ATP5F1C: variants seen among roughly 807,000 people sequenced by gnomAD.
ATP5F1C encodes ATP synthase F(1) complex subunit gamma, mitochondrial.
ATP5F1C carries 22 observed loss-of-function variants against 37.4 expected under a neutral mutation model. The observed-to-expected ratio is 0.59, with a 90% CI of 0.42 to 0.84. The LOEUF is 0.84. ATP5F1C is among the 40% of genes least tolerant of loss of function. The probability of loss-of-function intolerance (pLI) is 0.00; values close to 1 mark genes in which losing one functional copy is unlikely to be tolerated. For synonymous variants in ATP5F1C, 121 were observed against 128.0 expected, an observed-to-expected ratio of 0.95 and a Z score of 0.37; for missense variants, 286 against 362.4, an observed-to-expected ratio of 0.79 and a Z score of 1.71.
intron 1 of ATP5F1C, among the ~76,000 whole-genome samples, chr10:7,793,361 C>G (rs529753927): frequency 1.3e-5 from 2 of 152,358 alleles, no homozygotes; most frequent in African/African-American, 2.4e-5. Flanking sequence ...ATCCGCCTGC[C>G]TCGGCCTCCC....
At chr10:7,790,067 C>T (rs1836138290) in intron 1 of ATP5F1C, among the ~76,000 whole-genome samples, 1 of 152,192 alleles carries the variant, frequency 6.6e-6, no homozygotes, top group South Asian at 2.1e-4. Flanking sequence ...ACTGCTGGTG[C>T]TTAATGTCTT....
intron 4 of ATP5F1C, 63 bp from the exon 5 acceptor site, chr10:7,799,709 C>G: frequency 6.3e-7 from 1 of 1,583,060 alleles, no homozygotes. Context: ...CCTGCCTGTC[C>G]CCTGTGCTCT....
At chr10:7,802,502 G>T (rs1008981327) in intron 7 of ATP5F1C, 77 bp downstream of exon 7, 4 of 1,491,680 alleles carry the variant, frequency 2.7e-6, no homozygotes, top group Non-Finnish European at 3.6e-6. Context: ...GGAGTCCGTG[G>T]CCGAGAGTAG....
chr10:7,801,054 T>C lies in ATP5F1C; in HGVS notation c.637+963T>C, dbSNP rs67807026. Reference sequence around the variant, plus strand: ...GAACAGTGTTCACAGCTAATTTACATTGACTGACTCAATTCTCTTGTTTTA... The same window carrying C: ...GAACAGTGTTCACAGCTAATTTACACTGACTGACTCAATTCTCTTGTTTTA... On this transcript the variant is annotated intron_variant, in intron 6 of 9. Transcript: ENST00000356708. Among the ~76,000 whole-genome samples, 908 of 152,052 alleles carry C rather than the reference T, an allele frequency of 6.0e-3. 8 individuals are homozygous for C. Among genetic ancestry groups the C allele is most frequent in the South Asian group, 0.024 (114 of 4,822 alleles).
Position 7,797,196 on chromosome 10 carries a change from T to A in ATP5F1C, c.223+18T>A. 6.2e-7 allele frequency: 1 copy of A among 1,609,432 alleles called. No homozygotes were observed. The highest frequency in any genetic ancestry group is 8.5e-7 in the Non-Finnish European group (1 of 1,176,818). On this transcript the variant is annotated intron_variant, in intron 3 of 9. Coordinates refer to ENST00000356708, the MANE Select transcript of ATP5F1C (RefSeq NM_001001973.3). ...ATCTTTAGGTAAGGGAAGAGTGTAA[T>A]TCACAAATTAGGAAGAACTGTTTCA...
chr10:7,800,490 TA>T, intron 6 of ATP5F1C, among the ~76,000 whole-genome samples: 2 of 135,280 alleles, frequency 1.5e-5, no homozygotes, highest in Admixed American at 7.3e-5. Context: ...CCCAGCCTTT[TA>T]TTTTTTTATT....
At chr10:7,804,159 AAGG>A (rs763303419) in intron 8 of ATP5F1C, 1 of 519,054 alleles carries the variant, frequency 1.9e-6, no homozygotes, top group Non-Finnish European at 3.8e-6. Flanking sequence ...ATATAAGAAA[AAGG>A]AGAGTGATAG....
rs147597646 is a variant in ATP5F1C at position 7,805,304 on chromosome 10, G to A, written c.891-1670G>A. 5.2e-3 allele frequency among the ~76,000 whole-genome samples: 790 copies of A among 152,288 alleles called. 14 individuals are homozygous for A. Among genetic ancestry groups the A allele is most frequent in the African/African-American group, 0.018 (766 of 41,560 alleles). ...GATCTTAAGTGTGACAAAGCCTGCG[G>A]GAAGGAACCACATTCTGAAGGTTTG... On this transcript the variant is annotated intron_variant, in intron 8 of 9. Transcript: ENST00000356708.
At chr10:7,807,370 T>C (rs1836502670) in intron 9 of ATP5F1C, among the ~76,000 whole-genome samples, 1 of 152,224 alleles carries the variant, frequency 6.6e-6, no homozygotes. Flanking sequence ...CTGTCTCTAT[T>C]CATTTTGTTG....
rs3839917 is a variant in ATP5F1C at position 7,790,391 on chromosome 10, CT to C, written c.56+2136del. ...TACTCTAACGTTTTGAAAATTAAAC[CT>C]TTTTTTTAAAGCAGCATATAAGAAA... On this transcript the variant is annotated intron_variant, in intron 1 of 9. Transcript: ENST00000356708. Among the ~76,000 whole-genome samples the C allele has an allele frequency of 5.6e-3, 843 of 151,844 alleles. 8 individuals are homozygous for C. The highest frequency in any genetic ancestry group is 0.024 in the South Asian group (114 of 4,796).
Position 7,802,806 on chromosome 10 carries a change from C to T in ATP5F1C, c.842C>T (p.Ala281Val), listed in dbSNP as rs749022936. The change falls in exon 8 of 10, where the codon GCT becomes GTT. Residue 281 changes from alanine (A) to valine (V), a missense_variant. Physicochemically the swap from Ala to Val is moderately conservative, Grantham distance 64. Transcript: ENST00000356708. ...LTLTFNRTRQ[A>V]VITKELIEII... ...TTGACATTCAACCGTACCCGCCAAGCTGTCATCACAAAAGAGTTGATTGAA... is the reference window on the plus strand; with the variant it reads ...TTGACATTCAACCGTACCCGCCAAGTTGTCATCACAAAAGAGTTGATTGAA... The T allele has an allele frequency of 1.2e-6, 2 of 1,614,026 alleles. No individual in the cohort carries two copies. The highest frequency in any genetic ancestry group is 8.5e-7 in the Non-Finnish European group (1 of 1,179,972).
At chr10:7,800,278 T>G (rs886325397) in intron 6 of ATP5F1C, among the ~76,000 whole-genome samples, 187 bp downstream of exon 6, 2 of 151,094 alleles carry the variant, frequency 1.3e-5, no homozygotes, top group African/African-American at 4.9e-5. Flanking sequence ...TCACTGCAAG[T>G]TCCGCCTCCT....
In ATP5F1C at chr10:7,802,372, C is replaced by T. The variant is rs757427219; in HGVS notation, c.740C>T (p.Thr247Ile). The part of the protein sequence containing the change: ...IIYYSLKEST[T>I]SEQSARMTAM... ...TACTACTCTCTGAAGGAGTCCACCA[C>T]TAGTGAGCAGAGTGCCAGGATGACA... Residue 247 changes from threonine (T) to isoleucine (I), a missense_variant, in exon 7 of 10, where the codon ACT becomes ATT. By Grantham distance (89) the Thr-to-Ile change is moderately conservative. Coordinates refer to ENST00000356708, the MANE Select transcript of ATP5F1C (RefSeq NM_001001973.3). 8.1e-6 allele frequency: 13 copies of T among 1,613,984 alleles called. No individual in the cohort carries two copies. The highest frequency in any genetic ancestry group is 4.0e-5 in the African/African-American group (3 of 74,928).
intron 6 of ATP5F1C, chr10:7,801,698 C>T (rs1445890471): frequency 6.5e-6 from 1 of 153,056 alleles, no homozygotes; most frequent in Non-Finnish European, 1.5e-5. Context: ...AGCCTGAAGG[C>T]AATTTTATGC....
chr10:7,797,982 T>C (rs999277670), intron 3 of ATP5F1C, among the ~76,000 whole-genome samples: 4 of 152,212 alleles, frequency 2.6e-5, no homozygotes, highest in Non-Finnish European at 5.9e-5. Context: ...GAGCTGGAAA[T>C]GGGAAAGAAG....
chr10:7,802,911 C>T lies in ATP5F1C; in HGVS notation c.890+57C>T, dbSNP rs895506894. 21 of 1,474,464 alleles carry T rather than the reference C, an allele frequency of 1.4e-5. No individual in the cohort carries two copies. The Admixed American group carries it at 4.1e-4, about 29-fold the overall frequency. The allele number at this position is 1,474,464 out of a possible 1,614,324, so 91.3% of individuals were successfully genotyped here. On this transcript the variant is annotated intron_variant, in intron 8 of 9. Transcript: ENST00000356708. Reference sequence around the variant, plus strand: ...ATTTTTTTTCCTCTTGCTGTGTCTGCTTGTTTGGATGCTTAAAAGTTTTTC... The same window carrying T: ...ATTTTTTTTCCTCTTGCTGTGTCTGTTTGTTTGGATGCTTAAAAGTTTTTC...
At chr10:7,806,458 C>T (rs1019557294) in intron 8 of ATP5F1C, among the ~76,000 whole-genome samples, 15 of 151,962 alleles carry the variant, frequency 9.9e-5, no homozygotes, top group African/African-American at 2.2e-4. Context: ...AGTTCCAGAC[C>T]AGCCTGGCCA....
intron 4 of ATP5F1C, 68 bp from the exon 5 acceptor site, chr10:7,799,704 C>G: frequency 6.4e-7 from 1 of 1,568,926 alleles, no homozygotes; most frequent in Non-Finnish European, 8.7e-7. Flanking sequence ...TTTCTCCTGC[C>G]TGTCCCCTGT....
chr10:7,802,635 T>C (rs1836392571), intron 7 of ATP5F1C, 123 bp from the exon 8 acceptor site: 1 of 1,169,432 alleles, frequency 8.6e-7, no homozygotes, highest in Admixed American at 2.7e-5. Flanking sequence ...CATAACATTA[T>C]TTGAGAGGCC....
Sources: gnomAD v4.1 joint callset for allele counts (sites outside exome capture counted in the v4.1 genomes callset) on GRCh38, gnomAD v4.1.1 for gene constraint, MANE v1.5 for transcripts, NCBI Gene and HGNC (gene_info 2026-07-23, HGNC 2026-07-21) for gene names.